GNAI3: variants seen among roughly 807,000 people sequenced by gnomAD.
GNAI3 encodes the protein G protein subunit alpha i3.
A neutral mutation model predicts 41.8 loss-of-function variants in GNAI3; 12 were observed. The ratio of observed to expected loss-of-function variants is 0.29; its 90% CI spans 0.18 to 0.47. The LOEUF (loss-of-function observed/expected upper bound fraction) is 0.47, where lower values mean the gene tolerates loss of function less well. GNAI3 is among the 20% of genes least tolerant of loss of function. The pLI is 1.00. For missense variants in GNAI3, 360 were observed against 429.6 expected (o/e 0.84, Z 1.43); for synonymous variants, 132 against 146.5 (o/e 0.90, Z 0.71).
intron 1 of GNAI3, among the ~76,000 whole-genome samples, chr1:109,558,576 A>G (rs530939562): frequency 1.3e-5 from 2 of 152,190 alleles, no homozygotes; most frequent in African/African-American, 2.4e-5. Context: ...TTTAAAATGC[A>G]TATAACCAGC....
intron 3 of GNAI3, among the ~76,000 whole-genome samples, chr1:109,577,673 A>G (rs566965829): frequency 6.6e-6 from 1 of 152,328 alleles, no homozygotes; most frequent in South Asian, 2.1e-4. Context: ...CCTAAATATT[A>G]CTAGAAAGAA....
intron 7 of GNAI3, chr1:109,591,574 C>A (rs1039565828): frequency 3.2e-6 from 2 of 621,716 alleles, no homozygotes; most frequent in Admixed American, 4.7e-5. Context: ...GTCATCCTTG[C>A]GCGGGGACTG....
chr1:109,560,514 TG>T (rs1487133050), intron 1 of GNAI3, among the ~76,000 whole-genome samples: 1 of 152,102 alleles, frequency 6.6e-6, no homozygotes, highest in African/African-American at 2.4e-5. Context: ...CCCAGGACTT[TG>T]GGAAGTTGAG....
At chr1:109,569,244 C>T (rs905838023) in intron 1 of GNAI3, among the ~76,000 whole-genome samples, 2 of 152,154 alleles carry the variant, frequency 1.3e-5, no homozygotes, top group Non-Finnish European at 2.9e-5. Flanking sequence ...TATCCTAACC[C>T]CCTGCATAGT....
chr1:109,584,419 G>A (rs944333632), intron 5 of GNAI3, among the ~76,000 whole-genome samples: 1 of 152,212 alleles, frequency 6.6e-6, no homozygotes, highest in Non-Finnish European at 1.5e-5. Context: ...ATTAAAAGTT[G>A]TGATCATTAT....
intron 1 of GNAI3, 94 bp downstream of exon 1, chr1:109,548,932 C>T (rs1647902238): frequency 4.9e-6 from 4 of 812,556 alleles, no homozygotes; most frequent in Non-Finnish European, 8.3e-6. Flanking sequence ...CGGAAAGGAC[C>T]CTAAAGGGAT....
At chr1:109,591,383 A>G (rs899477862) in intron 7 of GNAI3, among the ~76,000 whole-genome samples, 4 of 152,274 alleles carry the variant, frequency 2.6e-5, no homozygotes, top group Admixed American at 6.5e-5. Flanking sequence ...TCAAAACACT[A>G]TGAATGAATG....
At chr1:109,569,056 T>C (rs1379123190) in intron 1 of GNAI3, among the ~76,000 whole-genome samples, 2 of 152,234 alleles carry the variant, frequency 1.3e-5, no homozygotes, top group African/African-American at 2.4e-5. Context: ...GCCTCTTTTA[T>C]TGAGAATGAA....
chr1:109,555,967 T>TGCGTGCGTGCGTCC (rs1553222507), intron 1 of GNAI3, among the ~76,000 whole-genome samples: 1 of 86,660 alleles, frequency 1.2e-5, no homozygotes, highest in Non-Finnish European at 2.3e-5. Context: ...TGCGTGCGTG[T>TGCGTGCGTGCGTCC]GTGTGTGTGT....
At chr1:109,560,865 A>T (rs1276203454) in intron 1 of GNAI3, among the ~76,000 whole-genome samples, 1 of 152,208 alleles carries the variant, frequency 6.6e-6, no homozygotes, top group Non-Finnish European at 1.5e-5. Context: ...ACTGCTCTTA[A>T]AGAGCTGATG....
rs142872331 is a variant in GNAI3, at chr1:109,598,956, C to T, written c.*6634C>T. ...TCTTCACCCTTCACCACCTTCTCCA[C>T]CCAGCATGGCCGGCACACTTTGGTC... On this transcript the variant is annotated 3_prime_UTR_variant, in exon 9 of 9. Coordinates refer to ENST00000369851, the MANE Select transcript of GNAI3 (RefSeq NM_006496.4). 2 of 534,934 alleles carry T rather than the reference C, an allele frequency of 3.7e-6. No homozygotes were observed. The highest frequency in any genetic ancestry group is 5.4e-5 in the East Asian group (1 of 18,358). 33.1% of individuals were successfully genotyped at this position (534,934 alleles called of 1,614,324 possible). A position where few individuals can be genotyped will look rare whatever the true frequency, so the allele number is the denominator to read the frequency against.
chr1:109,559,567 G>C (rs1333718251), intron 1 of GNAI3, among the ~76,000 whole-genome samples: 1 of 152,194 alleles, frequency 6.6e-6, no homozygotes, highest in Non-Finnish European at 1.5e-5. Flanking sequence ...TCTTGAGTTT[G>C]ATTGAAGTTA....
chr1:109,586,049 T>C (rs972972018), intron 5 of GNAI3, among the ~76,000 whole-genome samples, 167 bp from the exon 6 acceptor site: 1 of 152,238 alleles, frequency 6.6e-6, no homozygotes, highest in Non-Finnish European at 1.5e-5. Context: ...GTTGTTGTCT[T>C]GTACTTTTAG....
chr1:109,552,471 A>AT lies in GNAI3; in HGVS notation c.118+3635dup, dbSNP rs542667829. ...TTAAACAATTAGAGATGGGGGTCTC[A>AT]TTATGTTGCCCAGGCTGGTCTCAAA... is the stretch of plus-strand genomic sequence containing the variant. On this transcript the variant is annotated intron_variant, in intron 1 of 8. Coordinates refer to ENST00000369851, the MANE Select transcript of GNAI3 (RefSeq NM_006496.4). 1.7e-4 allele frequency among the ~76,000 whole-genome samples: 26 copies of AT among 152,218 alleles called. No individual in the cohort carries two copies. In the South Asian group the frequency reaches 5.4e-3, roughly 32 times the overall value.
At chr1:109,571,633 T>G (rs1430368122) in intron 1 of GNAI3, among the ~76,000 whole-genome samples, 1 of 152,124 alleles carries the variant, frequency 6.6e-6, no homozygotes, top group African/African-American at 2.4e-5. Flanking sequence ...GCCATGAGAT[T>G]AGGGCCGGGT....
chr1:109,595,750 T>C lies in GNAI3; in HGVS notation c.*3428T>C, dbSNP rs1234370358. 1 of 152,128 alleles carries C rather than the reference T, an allele frequency of 6.6e-6. No individual in the cohort carries two copies. Among genetic ancestry groups the C allele is most frequent in the Non-Finnish European group, 1.5e-5 (1 of 68,000 alleles). The allele number at this position is 152,128 out of a possible 1,614,324, so 9.4% of individuals were successfully genotyped here. A position where few individuals can be genotyped will look rare whatever the true frequency, so the allele number is the denominator to read the frequency against. ...TCCTGTTGCAGAACTCCTTGCTGTA[T>C]TGCAGTCATATATAAGGTAAAGTCA... is the stretch of plus-strand genomic sequence containing the variant. On this transcript the variant is annotated 3_prime_UTR_variant, in exon 9 of 9. Coordinates refer to ENST00000369851, the MANE Select transcript of GNAI3 (RefSeq NM_006496.4).
rs1324821764 is a variant in GNAI3, at chr1:109,594,638, G to A, written c.*2316G>A. The A allele has an allele frequency of 6.8e-6, 1 of 147,534 alleles. No individual in the cohort carries two copies. Among genetic ancestry groups the A allele is most frequent in the South Asian group, 2.2e-4 (1 of 4,646 alleles). 9.1% of individuals were successfully genotyped at this position (147,534 alleles called of 1,614,324 possible). Reference sequence around the variant, plus strand: ...GGGATTGACTTTTGGCTGGTGGGCTGGCAATCGATTTTTTTTTTTTTTTTT... The same window carrying A: ...GGGATTGACTTTTGGCTGGTGGGCTAGCAATCGATTTTTTTTTTTTTTTTT... On this transcript the variant is annotated 3_prime_UTR_variant, in exon 9 of 9. Coordinates refer to ENST00000369851, the MANE Select transcript of GNAI3 (RefSeq NM_006496.4).
chr1:109,568,259 G>T (rs1287998876), intron 1 of GNAI3, among the ~76,000 whole-genome samples: 2 of 152,120 alleles, frequency 1.3e-5, no homozygotes, highest in East Asian at 1.9e-4. Flanking sequence ...ATGTGTCTGG[G>T]TGCAGTGGCT....
intron 4 of GNAI3, 83 bp downstream of exon 4, chr1:109,579,444 T>C (rs1648834221): frequency 1.1e-6 from 1 of 909,512 alleles, no homozygotes; most frequent in Admixed American, 2.3e-5. Context: ...TAAGGAAATG[T>C]TTAAGTAATA....
Sources: gnomAD v4.1 joint callset for allele counts (sites outside exome capture counted in the v4.1 genomes callset) on GRCh38, gnomAD v4.1.1 for gene constraint, MANE v1.5 for transcripts, NCBI Gene and HGNC (gene_info 2026-07-23, HGNC 2026-07-21) for gene names.